The following RPA3 variants were observed in gnomAD, a reference collection of about 807,000 sequenced individuals.
RPA3 encodes the protein replication protein A3.
In RPA3, 24 loss-of-function variants were observed where a neutral mutation model predicts 13.7. The observed-to-expected ratio is 1.75, with a 90% CI of 1.27 to 2.46. RPA3 has a LOEUF of 2.46. RPA3 is among the 30% of genes most tolerant of loss of function. RPA3 has a pLI of 0.00. For missense variants in RPA3, 183 were observed against 151.0 expected (o/e 1.21, Z -1.11); for synonymous variants, 59 against 51.2 (o/e 1.15, Z -0.65).
rs536283568 is a variant in RPA3, at chr7:7,711,284, C to A, written c.-1028+3891G>T. Among the ~76,000 whole-genome samples the A allele has an allele frequency of 6.6e-5, 10 of 152,316 alleles. 1 individual carries two copies. The highest frequency in any genetic ancestry group is 2.4e-4 in the African/African-American group (10 of 41,574). The stretch of plus-strand genomic sequence containing the variant: ...CTGAAAAAGTTCAATTAAAAGACAA[C>A]ATGATGCTGTTACAAACATCCTTGT... On this transcript the variant is annotated intron_variant, in intron 2 of 7. Coordinates refer to ENST00000223129, the MANE Select transcript of RPA3 (RefSeq NM_002947.5).
At chr7:7,717,237 G>C (rs896940142) in intron 1 of RPA3, among the ~76,000 whole-genome samples, 2 of 151,558 alleles carry the variant, frequency 1.3e-5, no homozygotes, top group Non-Finnish European at 2.9e-5. Context: ...TCGTATTTTT[G>C]GTAGAGACTG....
intron 4 of RPA3, among the ~76,000 whole-genome samples, chr7:7,672,540 G>A (rs533366862): frequency 6.6e-6 from 1 of 152,230 alleles, no homozygotes; most frequent in African/African-American, 2.4e-5. Context: ...CCCATGTGTC[G>A]AGGGCAGGAC....
chr7:7,717,168 C>A (rs551603270), intron 1 of RPA3, among the ~76,000 whole-genome samples: 24 of 150,996 alleles, frequency 1.6e-4, no homozygotes, highest in Non-Finnish European at 1.5e-5. Flanking sequence ...GCGATTCTCT[C>A]ACCTCTGCCT....
intron 4 of RPA3, among the ~76,000 whole-genome samples, chr7:7,663,548 A>G (rs1785530196): frequency 6.6e-6 from 1 of 152,204 alleles, no homozygotes; most frequent in Non-Finnish European, 1.5e-5. Flanking sequence ...ACTAATTAGT[A>G]GTCTAACTGA....
intron 4 of RPA3, among the ~76,000 whole-genome samples, chr7:7,666,693 T>C (rs1171688766): frequency 2.0e-5 from 3 of 152,206 alleles, no homozygotes; most frequent in South Asian, 4.1e-4. Context: ...TGAGCTGTTT[T>C]TTCATTATTG....
chr7:7,675,147 G>A (rs1386515343), intron 4 of RPA3, among the ~76,000 whole-genome samples: 2 of 152,160 alleles, frequency 1.3e-5, no homozygotes, highest in African/African-American at 4.8e-5. Flanking sequence ...TTACAGGCAT[G>A]AGCCACCACG....
chr7:7,698,423 T>G (rs1386782002), intron 2 of RPA3, among the ~76,000 whole-genome samples: 1 of 152,262 alleles, frequency 6.6e-6, no homozygotes, highest in Admixed American at 6.5e-5. Flanking sequence ...AGCTGTAAGT[T>G]GACTTTCAGT....
chr7:7,676,562 A>G (rs569849727), intron 4 of RPA3, among the ~76,000 whole-genome samples: 2 of 152,294 alleles, frequency 1.3e-5, no homozygotes, highest in African/African-American at 2.4e-5. Flanking sequence ...AAAAAGTTGT[A>G]TTCTCTACAA....
chr7:7,715,758 G>T lies in RPA3; in HGVS notation c.-1079-532C>A, dbSNP rs146916971. On this transcript the variant is annotated intron_variant, in intron 1 of 7. Coordinates refer to ENST00000223129, the MANE Select transcript of RPA3 (RefSeq NM_002947.5). ...TCAGAGTATGTAAAGAGATGTAAAAGATGTAAGAAAGAGTTTTGAGTTTTA... is the reference window on the plus strand; with the variant it reads ...TCAGAGTATGTAAAGAGATGTAAAATATGTAAGAAAGAGTTTTGAGTTTTA... Among the ~76,000 whole-genome samples, 328 of 152,246 alleles carry T rather than the reference G, an allele frequency of 2.2e-3. 2 individuals carry two copies. The highest frequency in any genetic ancestry group is 3.5e-3 in the Non-Finnish European group (238 of 68,006).
At chr7:7,665,570 G>A (rs1203910028) in intron 4 of RPA3, among the ~76,000 whole-genome samples, 10 of 152,154 alleles carry the variant, frequency 6.6e-5, no homozygotes, top group Non-Finnish European at 1.0e-4. Flanking sequence ...TATACAATTT[G>A]ATGAGTTTTG....
intron 2 of RPA3, among the ~76,000 whole-genome samples, chr7:7,693,803 T>G (rs561653501): frequency 6.6e-6 from 1 of 152,212 alleles, no homozygotes; most frequent in Non-Finnish European, 1.5e-5. Context: ...TTTAAACTTA[T>G]AAACTCTAAT....
chr7:7,667,666 C>T (rs891945820), intron 4 of RPA3, among the ~76,000 whole-genome samples: 1 of 152,152 alleles, frequency 6.6e-6, no homozygotes, highest in Non-Finnish European at 1.5e-5. Context: ...GTCTTCACAG[C>T]ATAGAGCTGA....
intron 4 of RPA3, among the ~76,000 whole-genome samples, chr7:7,667,247 G>A (rs28992770): frequency 0.015 from 2,231 of 152,188 alleles, 22 homozygotes; most frequent in Middle Eastern, 0.027. Flanking sequence ...AATAAAATTT[G>A]GTATGTTTCC....
intron 2 of RPA3, among the ~76,000 whole-genome samples, chr7:7,712,514 T>C (rs1460754078): frequency 6.6e-6 from 1 of 152,216 alleles, no homozygotes; most frequent in Non-Finnish European, 1.5e-5. Context: ...GTTGCCAGCA[T>C]AGAAACATGT....
intron 4 of RPA3, among the ~76,000 whole-genome samples, chr7:7,648,301 G>A (rs1338513384): frequency 2.6e-5 from 4 of 152,138 alleles, no homozygotes; most frequent in Admixed American, 6.5e-5. Flanking sequence ...CTCCGCTTAA[G>A]TTTTCTCCAG....
chr7:7,698,963 T>C (rs987641693), intron 2 of RPA3, among the ~76,000 whole-genome samples: 1 of 149,850 alleles, frequency 6.7e-6, no homozygotes, highest in Admixed American at 6.6e-5. Flanking sequence ...TCAGTGATTC[T>C]CCCACTTCAG....
intron 2 of RPA3, among the ~76,000 whole-genome samples, chr7:7,712,291 G>C (rs1780784654): frequency 6.6e-6 from 1 of 152,080 alleles, no homozygotes; most frequent in African/African-American, 2.4e-5. Context: ...TGAACATATA[G>C]ATTAATTTAG....
At chr7:7,690,519 A>G (rs1780148068) in intron 2 of RPA3, among the ~76,000 whole-genome samples, 1 of 152,152 alleles carries the variant, frequency 6.6e-6, no homozygotes, top group Non-Finnish European at 1.5e-5. Flanking sequence ...TTTATTATAA[A>G]TTGAGCTGCA....
chr7:7,707,001 C>T (rs1345283851), intron 2 of RPA3, among the ~76,000 whole-genome samples: 1 of 152,118 alleles, frequency 6.6e-6, no homozygotes, highest in African/African-American at 2.4e-5. Context: ...GAAGTCAAAA[C>T]ATTTTTAGTC....
Sources: allele counts gnomAD v4.1 joint callset (sites outside exome capture counted in the v4.1 genomes callset), GRCh38; gene constraint gnomAD v4.1.1; transcripts MANE v1.5; gene names NCBI Gene and HGNC (gene_info 2026-07-23, HGNC 2026-07-21).